Variants in WIPI1 observed in about 807,000 individuals in gnomAD.
WIPI1 encodes WD repeat domain phosphoinositide-interacting protein 1.
In WIPI1, 45 loss-of-function variants were observed where a neutral mutation model predicts 55.3. The ratio of observed to expected loss-of-function variants is 0.81; its 90% CI spans 0.64 to 1.04. WIPI1 has a LOEUF of 1.04. Ranked by LOEUF, WIPI1 falls within the 50% of genes least tolerant of loss-of-function variation. WIPI1 has a pLI of 0.00. For synonymous variants in WIPI1, 195 were observed against 217.6 expected (o/e 0.90, Z 0.92); for missense variants, 445 against 559.0 (o/e 0.80, Z 2.06).
intron 8 of WIPI1, 133 bp from the exon 9 acceptor site, chr17:68,430,293 C>T: frequency 3.5e-6 from 3 of 849,012 alleles, no homozygotes; most frequent in Non-Finnish European, 5.4e-6. Context: ...TAATGTTCTG[C>T]CCACTGAGAA....
intron 10 of WIPI1, 168 bp from the exon 11 acceptor site, chr17:68,427,421 A>G: frequency 2.1e-6 from 1 of 483,852 alleles, no homozygotes; most frequent in East Asian, 3.9e-5. Flanking sequence ...CAGTGGCGCA[A>G]TCTCGGCTCA....
chr17:68,425,968 G>A, intron 12 of WIPI1, 107 bp downstream of exon 12: 1 of 829,792 alleles, frequency 1.2e-6, no homozygotes, highest in Non-Finnish European at 2.0e-6. Context: ...AGAATTAGTT[G>A]TTATAGATTA....
chr17:68,430,203 C>A, intron 8 of WIPI1, 43 bp from the exon 9 acceptor site: 1 of 1,567,492 alleles, frequency 6.4e-7, no homozygotes, highest in Non-Finnish European at 8.6e-7. Context: ...GGGCTGCAGG[C>A]CCCACACGCA....
At chr17:68,453,503 G>A (rs940869978) in intron 1 of WIPI1, among the ~76,000 whole-genome samples, 2 of 148,506 alleles carry the variant, frequency 1.3e-5, no homozygotes, top group South Asian at 4.3e-4. Flanking sequence ...TTTTGAGAGG[G>A]AGTCTCGCTC....
chr17:68,437,005 A>AATATATATATAT lies in WIPI1; in HGVS notation c.431-538_431-527dup, dbSNP rs1555801305. Among the ~76,000 whole-genome samples, 116 of 107,238 alleles carry AATATATATATAT rather than the reference A, an allele frequency of 1.1e-3. 1 individual carries two copies. Among genetic ancestry groups the AATATATATATAT allele is most frequent in the Middle Eastern group, 5.3e-3 (1 of 188 alleles). The allele number at this position is 107,238 out of a possible 152,430, so 70.4% of individuals were successfully genotyped here. The stretch of plus-strand genomic sequence containing the variant: ...TGAGACCCCGTCTCAAAAAAAAAAA[A>AATATATATATAT]ATATATATATATGTGTGTGTGTGTG... On this transcript the variant is annotated intron_variant, in intron 4 of 12. Coordinates refer to ENST00000262139, the MANE Select transcript of WIPI1 (RefSeq NM_017983.7).
chr17:68,429,533 T>C (rs577711598), intron 9 of WIPI1, among the ~76,000 whole-genome samples: 97 of 152,308 alleles, frequency 6.4e-4, no homozygotes, highest in African/African-American at 2.2e-3. Flanking sequence ...GAATCCGTAT[T>C]GAAGTCAGAT....
Position 68,457,478 on chromosome 17 carries a change from C to T in WIPI1, c.-57G>A, listed in dbSNP as rs1280724776. 7.8e-5 allele frequency: 106 copies of T among 1,353,610 alleles called. 1 individual carries two copies. The highest frequency in any genetic ancestry group is 6.1e-5 in the Non-Finnish European group (64 of 1,051,576). The allele number at this position is 1,353,610 out of a possible 1,614,324, so 83.8% of individuals were successfully genotyped here. On this transcript the variant is annotated 5_prime_UTR_variant, in exon 1 of 13. Coordinates refer to ENST00000262139, the MANE Select transcript of WIPI1 (RefSeq NM_017983.7). Reference sequence around the variant, plus strand: ...AGCCGGCGACAGCCACCTCAGCAGCCCGCCCGCGCCGGCTCCACGGGCCGG... The same window carrying T: ...AGCCGGCGACAGCCACCTCAGCAGCTCGCCCGCGCCGGCTCCACGGGCCGG...
At chr17:68,447,255 T>A (rs1038251633) in intron 3 of WIPI1, among the ~76,000 whole-genome samples, 1 of 152,218 alleles carries the variant, frequency 6.6e-6, no homozygotes, top group Non-Finnish European at 1.5e-5. Flanking sequence ...AGTATGCAAA[T>A]CTAAATACAT....
chr17:68,426,759 C>G (rs546488392), intron 11 of WIPI1, among the ~76,000 whole-genome samples: 1 of 152,176 alleles, frequency 6.6e-6, no homozygotes, highest in African/African-American at 2.4e-5. Flanking sequence ...GGTCTCAAAC[C>G]CCTGGCCTCC....
At chr17:68,435,747 G>A (rs748730148) in intron 5 of WIPI1, 35 bp from the exon 6 acceptor site, 1 of 1,592,614 alleles carries the variant, frequency 6.3e-7, no homozygotes, top group Non-Finnish European at 8.6e-7. Context: ...TACAGATGCT[G>A]CGGAGGAGGG....
At position 68,435,562 on chromosome 17, in the gene WIPI1, G is replaced by A. The variant is rs1000439235; in HGVS notation, c.621+58C>T. ...CAGGTTTGTTCAATCCCATCCCTGC[G>A]CACGGCAGGAGCCATCCAGCGAAAC... On this transcript the variant is annotated intron_variant, in intron 6 of 12. Transcript: ENST00000262139. The A allele has an allele frequency of 1.5e-5, 23 of 1,529,988 alleles. No homozygotes were observed. The South Asian group carries it at 2.0e-4, about 13-fold the overall frequency. 94.8% of individuals were successfully genotyped at this position (1,529,988 alleles called of 1,614,324 possible). A position where few individuals can be genotyped will look rare whatever the true frequency, so the allele number is the denominator to read the frequency against.
chr17:68,450,454 G>A (rs2084455309), intron 3 of WIPI1, among the ~76,000 whole-genome samples: 2 of 152,178 alleles, frequency 1.3e-5, no homozygotes, highest in African/African-American at 4.8e-5. Context: ...CCATCCCTGC[G>A]GTGCCCAATC....
intron 8 of WIPI1, among the ~76,000 whole-genome samples, chr17:68,432,467 A>G (rs1112737): frequency 0.48 from 72,433 of 152,008 alleles, 17,490 homozygotes; most frequent in Admixed American, 0.6. Context: ...AGAACTGTGA[A>G]ATCATAAATG....
intron 3 of WIPI1, among the ~76,000 whole-genome samples, chr17:68,446,369 G>T (rs2084284855): frequency 6.6e-6 from 1 of 151,874 alleles, no homozygotes; most frequent in Non-Finnish European, 1.5e-5. Flanking sequence ...TTTTTGTAGA[G>T]ACCCGGGTTT....
At chr17:68,456,962 C>T (rs981628607) in intron 1 of WIPI1, among the ~76,000 whole-genome samples, 2 of 152,166 alleles carry the variant, frequency 1.3e-5, no homozygotes, top group Middle Eastern at 3.2e-3. Flanking sequence ...GCAACTTCCT[C>T]TCCTTTCTCA....
At chr17:68,452,298 C>T (rs1246979428) in intron 2 of WIPI1, among the ~76,000 whole-genome samples, 3 of 152,228 alleles carry the variant, frequency 2.0e-5, no homozygotes, top group Non-Finnish European at 2.9e-5. Flanking sequence ...GGTGAGGTGG[C>T]TCACGCCTGT....
intron 11 of WIPI1, 132 bp from the exon 12 acceptor site, chr17:68,426,307 T>G: frequency 1.4e-6 from 1 of 721,300 alleles, no homozygotes; most frequent in Non-Finnish European, 2.4e-6. Context: ...CCCCTGGAGG[T>G]ACTGTGCCTA....
intron 12 of WIPI1, chr17:68,425,786 CA>C (rs2083128842): frequency 2.9e-6 from 1 of 343,910 alleles, no homozygotes; most frequent in Admixed American, 4.5e-5. Flanking sequence ...GCTACAGAAG[CA>C]AAGTAAGGGA....
At chr17:68,430,330 T>C (rs761440664) in intron 8 of WIPI1, among the ~76,000 whole-genome samples, 170 bp from the exon 9 acceptor site, 1 of 152,114 alleles carries the variant, frequency 6.6e-6, no homozygotes, top group African/African-American at 2.4e-5. Flanking sequence ...ATTCTGGCAA[T>C]AACTAAAGAG....
Sources: allele counts gnomAD v4.1 joint callset (sites outside exome capture counted in the v4.1 genomes callset), GRCh38; gene constraint gnomAD v4.1.1; transcripts MANE v1.5; gene names NCBI Gene and HGNC (gene_info 2026-07-23, HGNC 2026-07-21).